The following INVS variants were observed in gnomAD, a reference collection of about 807,000 sequenced individuals.
INVS encodes the protein inversion of embryo turning homolog.
INVS carries 86 observed loss-of-function variants against 108.8 expected under a neutral mutation model. The ratio of observed to expected loss-of-function variants is 0.79; its 90% CI spans 0.66 to 0.95. The LOEUF (loss-of-function observed/expected upper bound fraction) is 0.95. Among genes scored for constraint, INVS ranks in the 40% least tolerant of loss-of-function variants. The pLI is 0.00. For missense variants in INVS, 1,169 were observed against 1,297.4 expected, an observed-to-expected ratio of 0.90 and a Z score of 1.52; for synonymous variants, 455 against 473.5, an observed-to-expected ratio of 0.96 and a Z score of 0.51.
chr9:100,224,963 G>T (rs1201950476), intron 3 of INVS, among the ~76,000 whole-genome samples: 1 of 151,914 alleles, frequency 6.6e-6, no homozygotes, highest in Non-Finnish European at 1.5e-5. Flanking sequence ...GGATTTAACT[G>T]ACTTGGAGAG....
chr9:100,227,586 T>C (rs1263278393), intron 4 of INVS, among the ~76,000 whole-genome samples: 1 of 152,046 alleles, frequency 6.6e-6, no homozygotes, highest in African/African-American at 2.4e-5. Context: ...TGAAATAAAG[T>C]GTGAACATTG....
At position 100,292,635 on chromosome 9, in the gene INVS, G is replaced by A; in HGVS notation, c.2378G>A (p.Arg793Lys). The change falls in exon 14 of 17, where the codon AGG (arginine) becomes AAG (lysine). Residue 793 changes from arginine to lysine, a missense_variant. This residue lies in a region of INVS where 533 missense variants were observed against 536.0 expected (regional missense o/e 0.99). Coordinates refer to ENST00000262457, the MANE Select transcript of INVS (RefSeq NM_014425.5). ...EPKAKCAPQK[R>K]RTQELRGGRC... ...AAGGCCAAATGTGCCCCCCAGAAAAGGCGCACTCAAGAGCTCAGAGGAGGA... is the reference window on the plus strand; with the variant it reads ...AAGGCCAAATGTGCCCCCCAGAAAAAGCGCACTCAAGAGCTCAGAGGAGGA... 6.2e-7 allele frequency: 1 copy of A among 1,614,186 alleles called. No individual in the cohort carries two copies. The highest frequency in any genetic ancestry group is 8.5e-7 in the Non-Finnish European group (1 of 1,180,026).
Position 100,215,645 on chromosome 9 carries a change from A to G in INVS, c.274-10417A>G, listed in dbSNP as rs577211549. 1.2e-4 allele frequency among the ~76,000 whole-genome samples: 18 copies of G among 152,360 alleles called. No homozygotes were observed. In the South Asian group the frequency reaches 3.7e-3, roughly 32 times the overall value. ...TTGTTAGGCATATCATGGTCAGACT[A>G]TAGAAGGTCTAGGAACCCCAAAACA... On this transcript the variant is annotated intron_variant, in intron 3 of 16. Transcript: ENST00000262457.
At chr9:100,262,447 C>T (rs1295814961) in intron 10 of INVS, among the ~76,000 whole-genome samples, 1 of 151,498 alleles carries the variant, frequency 6.6e-6, no homozygotes, top group Non-Finnish European at 1.5e-5. Flanking sequence ...GTAAGTTGTA[C>T]TTTTTAAGGA....
intron 3 of INVS, among the ~76,000 whole-genome samples, chr9:100,151,977 C>T (rs1347385664): frequency 6.6e-6 from 1 of 152,168 alleles, no homozygotes; most frequent in Non-Finnish European, 1.5e-5. Context: ...CTTACAACTG[C>T]CTAAACTACG....
chr9:100,231,890 A>C (rs1190174959), intron 5 of INVS, among the ~76,000 whole-genome samples: 2 of 152,146 alleles, frequency 1.3e-5, no homozygotes, highest in East Asian at 3.9e-4. Flanking sequence ...TCCTGGGTCA[A>C]ATGGTATTTC....
intron 3 of INVS, among the ~76,000 whole-genome samples, chr9:100,196,319 C>G (rs1206785563): frequency 2.6e-5 from 4 of 152,150 alleles, no homozygotes; most frequent in African/African-American, 9.7e-5. Flanking sequence ...TCTCCTTTGT[C>G]TGAGGCCTGT....
intron 3 of INVS, among the ~76,000 whole-genome samples, chr9:100,154,457 G>A (rs1828909509): frequency 1.3e-5 from 2 of 148,312 alleles, no homozygotes; most frequent in South Asian, 4.2e-4. Flanking sequence ...GATTACAGGT[G>A]TGTCCACCGT....
At chr9:100,294,054 G>C (rs1242737706) in intron 14 of INVS, among the ~76,000 whole-genome samples, 3 of 152,162 alleles carry the variant, frequency 2.0e-5, no homozygotes, top group Non-Finnish European at 4.4e-5. Flanking sequence ...TGTAGTCCTA[G>C]CTATTTGTGA....
At chr9:100,118,925 T>C (rs1255268856) in intron 2 of INVS, among the ~76,000 whole-genome samples, 1 of 152,230 alleles carries the variant, frequency 6.6e-6, no homozygotes, top group Non-Finnish European at 1.5e-5. Context: ...CTTCCCAAAG[T>C]GCTCGGATTA....
chr9:100,205,954 C>T lies in INVS; in HGVS notation c.274-20108C>T, dbSNP rs117823034. 9.2e-5 allele frequency among the ~76,000 whole-genome samples: 14 copies of T among 152,218 alleles called. No individual in the cohort carries two copies. In the East Asian group the frequency reaches 2.7e-3, roughly 29 times the overall value. ...CATCTACTACTAACTTCTCATTTTA[C>T]AGGAAACTAGATCTTAGACAGTTTG... On this transcript the variant is annotated intron_variant, in intron 3 of 16. Transcript: ENST00000262457.
chr9:100,290,916 A>G (rs992669714), intron 13 of INVS, among the ~76,000 whole-genome samples: 2 of 151,886 alleles, frequency 1.3e-5, no homozygotes, highest in African/African-American at 2.4e-5. Flanking sequence ...GGGTCTCACT[A>G]TGTTGTCCCG....
Position 100,246,464 on chromosome 9 carries a change from T to C in INVS, c.907-152T>C, listed in dbSNP as rs1416547490. 6.4e-6 allele frequency: 4 copies of C among 629,200 alleles called. No individual in the cohort carries two copies. In the East Asian group the frequency reaches 1.1e-4, roughly 17 times the overall value. 39.0% of individuals were successfully genotyped at this position (629,200 alleles called of 1,614,324 possible). A position where few individuals can be genotyped will look rare whatever the true frequency, so the allele number is the denominator to read the frequency against. The stretch of plus-strand genomic sequence containing the variant: ...TGTTATCTTCGATGGAAATTGTAGT[T>C]CTGTCATTAATAAAAAGATAATTTA... On this transcript the variant is annotated intron_variant, in intron 7 of 16. Transcript: ENST00000262457.
intron 6 of INVS, among the ~76,000 whole-genome samples, chr9:100,241,133 A>C (rs1404273079): frequency 2.0e-5 from 3 of 152,084 alleles, no homozygotes; most frequent in Non-Finnish European, 4.4e-5. Context: ...TTAGTTTTTA[A>C]ATTACACATT....
At chr9:100,256,970 CT>C (rs986667857) in intron 10 of INVS, among the ~76,000 whole-genome samples, 10 of 152,122 alleles carry the variant, frequency 6.6e-5, no homozygotes, top group African/African-American at 2.4e-4. Context: ...TCCTTGTTAA[CT>C]TTCAGTCTTG....
chr9:100,203,158 G>A (rs1021087864), intron 3 of INVS, among the ~76,000 whole-genome samples: 1 of 152,174 alleles, frequency 6.6e-6, no homozygotes, highest in Non-Finnish European at 1.5e-5. Flanking sequence ...GAGCCATTGT[G>A]AAGCACATAC....
chr9:100,226,448 A>T (rs1378120534), intron 4 of INVS, among the ~76,000 whole-genome samples: 1 of 152,162 alleles, frequency 6.6e-6, no homozygotes, highest in African/African-American at 2.4e-5. Context: ...ATCTTTTTAC[A>T]GATGGAAAAA....
intron 2 of INVS, among the ~76,000 whole-genome samples, chr9:100,125,438 A>G (rs2118892138): frequency 6.6e-6 from 1 of 152,290 alleles, no homozygotes; most frequent in African/African-American, 2.4e-5. Context: ...TTTCTGGATT[A>G]TAGGCTACTG....
intron 13 of INVS, among the ~76,000 whole-genome samples, chr9:100,287,906 C>T (rs1392961656): frequency 1.3e-5 from 2 of 152,254 alleles, no homozygotes; most frequent in East Asian, 3.9e-4. Flanking sequence ...GATTTTAAGA[C>T]ATGAACTAGA....
Sources: allele counts gnomAD v4.1 joint callset (sites outside exome capture counted in the v4.1 genomes callset), GRCh38; gene constraint gnomAD v4.1.1; regional missense constraint gnomAD v4.1.1; transcripts MANE v1.5; gene names NCBI Gene and HGNC (gene_info 2026-07-23, HGNC 2026-07-21).